The following SORCS2 variants were observed in gnomAD, a reference collection of about 807,000 sequenced individuals.
SORCS2 encodes the protein sortilin related VPS10 domain containing receptor 2.
SORCS2 carries 100 observed loss-of-function variants against 141.6 expected under a neutral mutation model. The observed-to-expected ratio is 0.71, with a 90% confidence interval of 0.60 to 0.83. The LOEUF is 0.83. Among genes scored for constraint, SORCS2 ranks in the 40% least tolerant of loss-of-function variants. SORCS2 has a pLI of 0.00. For missense variants in SORCS2, 1,646 were observed against 1,560.2 expected (o/e 1.05, Z -0.93); for synonymous variants, 789 against 676.9 (o/e 1.17, Z -2.57).
At chr4:7,525,981 TCAC>T (rs1733669433) in intron 2 of SORCS2, among the ~76,000 whole-genome samples, 1 of 117,502 alleles carries the variant, frequency 8.5e-6, no homozygotes, top group Non-Finnish European at 1.7e-5. Flanking sequence ...TGTCCCCTCC[TCAC>T]ACCTGTCCCC....
In SORCS2 at chr4:7,522,196, G is replaced by A. The variant is rs368379576; in HGVS notation, c.549-9334G>A. 5.3e-5 allele frequency among the ~76,000 whole-genome samples: 8 copies of A among 152,316 alleles called. No homozygotes were observed. The East Asian group carries it at 9.7e-4, about 18-fold the overall frequency. ...ACCTGCGCGTGTGACTTCCGTGTTC[G>A]CAAGTGGGAGTGGGGCGAGCAGGGG... is the stretch of plus-strand genomic sequence containing the variant. On this transcript the variant is annotated intron_variant, in intron 2 of 26. Transcript: ENST00000507866.
chr4:7,500,714 C>T (rs1160058782), intron 2 of SORCS2, among the ~76,000 whole-genome samples: 2 of 152,118 alleles, frequency 1.3e-5, no homozygotes, highest in Non-Finnish European at 2.9e-5. Flanking sequence ...GCTTTTACAT[C>T]GCACGTCGTC....
chr4:7,478,693 C>T (rs1006791317), intron 2 of SORCS2, among the ~76,000 whole-genome samples: 1 of 152,176 alleles, frequency 6.6e-6, no homozygotes, highest in Non-Finnish European at 1.5e-5. Flanking sequence ...AGTGTGGGTG[C>T]CCGATCAATA....
chr4:7,401,640 G>C lies in SORCS2; in HGVS notation c.548+5285G>C, dbSNP rs531927674. Among the ~76,000 whole-genome samples, 22 of 152,224 alleles carry C rather than the reference G, an allele frequency of 1.4e-4. No individual in the cohort carries two copies. In the East Asian group the frequency reaches 2.7e-3, roughly 19 times the overall value. Reference sequence around the variant, plus strand: ...TGCTTCACACTGAGCACGGCTGTTGGGCAGAGTGGATTTGAAACAGAGGGA... The same window carrying C: ...TGCTTCACACTGAGCACGGCTGTTGCGCAGAGTGGATTTGAAACAGAGGGA... On this transcript the variant is annotated intron_variant, in intron 2 of 26. Transcript: ENST00000507866.
intron 18 of SORCS2, among the ~76,000 whole-genome samples, chr4:7,722,198 G>A (rs909231074): frequency 1.3e-5 from 2 of 152,160 alleles, no homozygotes; most frequent in South Asian, 4.2e-4. Context: ...CTGACTCTGG[G>A]TCACACATGC....
intron 2 of SORCS2, among the ~76,000 whole-genome samples, chr4:7,528,402 GT>G (rs35199702): frequency 0.11 from 15,554 of 147,594 alleles, 1,118 homozygotes; most frequent in African/African-American, 0.21. Flanking sequence ...CAGCTGCTAC[GT>G]TTTTTTTTTT....
At chr4:7,680,526 C>A (rs1349514414) in intron 9 of SORCS2, among the ~76,000 whole-genome samples, 1 of 152,246 alleles carries the variant, frequency 6.6e-6, no homozygotes, top group African/African-American at 2.4e-5. Context: ...AAGGAGCTGG[C>A]TCCTCCCGGC....
At chr4:7,252,762 C>T (rs994429887) in intron 1 of SORCS2, among the ~76,000 whole-genome samples, 1 of 152,232 alleles carries the variant, frequency 6.6e-6, no homozygotes, top group Non-Finnish European at 1.5e-5. Flanking sequence ...GGCCCTTCCT[C>T]ACCTAAACCC....
At chr4:7,701,421 T>C (rs1577091744) in intron 12 of SORCS2, among the ~76,000 whole-genome samples, 1 of 152,052 alleles carries the variant, frequency 6.6e-6, no homozygotes, top group East Asian at 1.9e-4. Flanking sequence ...CCGACTGTGA[T>C]AACCAGGAGG....
At chr4:7,568,296 G>C (rs186550989) in intron 3 of SORCS2, among the ~76,000 whole-genome samples, 80 of 152,294 alleles carry the variant, frequency 5.3e-4, no homozygotes, top group Non-Finnish European at 9.6e-4. Flanking sequence ...AAGCAATTAG[G>C]TTCAAACAAG....
At chr4:7,708,420 C>T (rs2109026657) in intron 14 of SORCS2, among the ~76,000 whole-genome samples, 1 of 152,310 alleles carries the variant, frequency 6.6e-6, no homozygotes, top group African/African-American at 2.4e-5. Flanking sequence ...CGAGGGCCCC[C>T]TTCACTGGTC....
intron 2 of SORCS2, among the ~76,000 whole-genome samples, chr4:7,400,600 G>A (rs140204813): frequency 3.5e-4 from 53 of 152,328 alleles, no homozygotes; most frequent in African/African-American, 1.0e-3. Flanking sequence ...TACATGTTGG[G>A]CATTGGATGA....
intron 1 of SORCS2, among the ~76,000 whole-genome samples, chr4:7,272,814 T>C (rs1020785544): frequency 2.6e-5 from 4 of 152,250 alleles, no homozygotes; most frequent in African/African-American, 9.6e-5. Context: ...TGGAAAGGAA[T>C]GTTTCTTCAA....
intron 3 of SORCS2, among the ~76,000 whole-genome samples, chr4:7,572,803 A>G (rs1715489816): frequency 6.6e-6 from 1 of 152,254 alleles, no homozygotes; most frequent in African/African-American, 2.4e-5. Context: ...TGTTTTTAAC[A>G]CATTGGCTAA....
intron 1 of SORCS2, among the ~76,000 whole-genome samples, chr4:7,352,787 A>G (rs1236577174): frequency 1.3e-5 from 2 of 152,150 alleles, no homozygotes; most frequent in Admixed American, 6.5e-5. Flanking sequence ...GCATGTCTTT[A>G]TGGGCCAGGG....
Position 7,328,879 on chromosome 4 carries a change from C to T in SORCS2, c.481-67409C>T, listed in dbSNP as rs1361068786. Among the ~76,000 whole-genome samples, 3 of 152,192 alleles carry T rather than the reference C, an allele frequency of 2.0e-5. No individual in the cohort carries two copies. In the East Asian group the frequency reaches 5.8e-4, roughly 29 times the overall value. Reference sequence around the variant, plus strand: ...GAGGATGAGCATCCATGTCCAGCAGCCCCACTTGCCGGCACCCTTGGCAGT... The same window carrying T: ...GAGGATGAGCATCCATGTCCAGCAGTCCCACTTGCCGGCACCCTTGGCAGT... On this transcript the variant is annotated intron_variant, in intron 1 of 26. Coordinates refer to ENST00000507866, the MANE Select transcript of SORCS2 (RefSeq NM_020777.3).
intron 1 of SORCS2, among the ~76,000 whole-genome samples, chr4:7,258,469 A>G (rs1393475470): frequency 6.6e-6 from 1 of 152,248 alleles, no homozygotes; most frequent in Non-Finnish European, 1.5e-5. Flanking sequence ...TGCAAAGGAC[A>G]TGAACTCATT....
chr4:7,423,208 A>G (rs1577536200), intron 2 of SORCS2, among the ~76,000 whole-genome samples: 1 of 152,214 alleles, frequency 6.6e-6, no homozygotes, highest in East Asian at 1.9e-4. Context: ...ACTGATCATA[A>G]CCGCTCAGGC....
intron 1 of SORCS2, among the ~76,000 whole-genome samples, chr4:7,258,034 C>T (rs986737386): frequency 2.0e-5 from 3 of 152,238 alleles, no homozygotes; most frequent in Non-Finnish European, 4.4e-5. Context: ...CCTCTTCCTC[C>T]TTCAGTGTTG....
Sources: allele counts gnomAD v4.1 joint callset (sites outside exome capture counted in the v4.1 genomes callset), GRCh38; gene constraint gnomAD v4.1.1; transcripts MANE v1.5; gene names NCBI Gene and HGNC (gene_info 2026-07-23, HGNC 2026-07-21).